The following RBFOX1 variants were observed in gnomAD, a reference collection of about 807,000 sequenced individuals.
The protein encoded by RBFOX1 is RNA binding protein fox-1 homolog 1.
RBFOX1 carries 8 observed loss-of-function variants against 57.7 expected under a neutral mutation model. The ratio of observed to expected loss-of-function variants is 0.14; its 90% CI spans 0.08 to 0.25. The LOEUF is 0.25. Ranked by LOEUF, RBFOX1 falls within the 10% of genes least tolerant of loss-of-function variation. RBFOX1 has a pLI of 1.00. For missense variants in RBFOX1, 611 were observed against 548.5 expected (o/e 1.11, Z -1.14); for synonymous variants, 326 against 222.4 (o/e 1.47, Z -4.15).
intron 4 of RBFOX1, among the ~76,000 whole-genome samples, chr16:5,948,689 G>A (rs986768877): frequency 1.2e-4 from 18 of 152,098 alleles, no homozygotes; most frequent in East Asian, 3.9e-4. Flanking sequence ...CGGGAGGGAC[G>A]CCTGATGTTC....
intron 2 of RBFOX1, among the ~76,000 whole-genome samples, chr16:6,323,267 A>G (rs1212086970): frequency 6.6e-6 from 1 of 152,180 alleles, no homozygotes; most frequent in Non-Finnish European, 1.5e-5. Context: ...GGAAGAGGGA[A>G]GCCCAGGCAG....
intron 3 of RBFOX1, among the ~76,000 whole-genome samples, chr16:5,790,750 C>G (rs879492907): frequency 2.0e-5 from 3 of 152,116 alleles, no homozygotes; most frequent in Non-Finnish European, 4.4e-5. Flanking sequence ...TGGGTGCGTG[C>G]TCTGCATCAC....
At chr16:5,244,498 C>G (rs571418698) in intron 1 of RBFOX1, among the ~76,000 whole-genome samples, 1 of 152,358 alleles carries the variant, frequency 6.6e-6, no homozygotes, top group East Asian at 1.9e-4. Context: ...AGCCGACTCC[C>G]TGAGATAGGG....
chr16:7,341,984 T>C (rs1374341361), intron 4 of RBFOX1, among the ~76,000 whole-genome samples: 1 of 152,048 alleles, frequency 6.6e-6, no homozygotes, highest in Non-Finnish European at 1.5e-5. Flanking sequence ...TAATCTGTAT[T>C]GGCTCCTGGA....
At chr16:5,573,318 G>A (rs2046347669) in intron 2 of RBFOX1, among the ~76,000 whole-genome samples, 1 of 152,144 alleles carries the variant, frequency 6.6e-6, no homozygotes, top group South Asian at 2.1e-4. Context: ...CCACAAAGGT[G>A]GTTCTTCTCC....
At chr16:6,631,827 G>C (rs963613128) in intron 2 of RBFOX1, among the ~76,000 whole-genome samples, 1 of 152,010 alleles carries the variant, frequency 6.6e-6, no homozygotes, top group Non-Finnish European at 1.5e-5. Context: ...TAGAGCGGGT[G>C]CATGCAAACA....
chr16:7,376,871 C>A (rs1332489350), intron 4 of RBFOX1, among the ~76,000 whole-genome samples: 1 of 152,058 alleles, frequency 6.6e-6, no homozygotes, highest in African/African-American at 2.4e-5. Context: ...CATAAAACTT[C>A]CCTACCAGTG....
intron 2 of RBFOX1, among the ~76,000 whole-genome samples, chr16:6,635,282 G>C (rs12930940): frequency 0.073 from 11,069 of 151,512 alleles, 453 homozygotes; most frequent in Non-Finnish European, 0.091. Context: ...ATTAGTTCTT[G>C]TTGTTAACCT....
At chr16:5,568,485 C>T (rs912645476) in intron 2 of RBFOX1, among the ~76,000 whole-genome samples, 2 of 152,086 alleles carry the variant, frequency 1.3e-5, no homozygotes, top group Middle Eastern at 3.2e-3. Context: ...CATCAGTGTT[C>T]GTCAAGATGG....
At chr16:7,488,723 C>T (rs943467727) in intron 4 of RBFOX1, among the ~76,000 whole-genome samples, 4 of 152,130 alleles carry the variant, frequency 2.6e-5, no homozygotes, top group Admixed American at 6.6e-5. Flanking sequence ...GCTATACATT[C>T]ATCTATTATC....
At chr16:7,506,068 C>T (rs989779329) in intron 4 of RBFOX1, among the ~76,000 whole-genome samples, 3 of 151,436 alleles carry the variant, frequency 2.0e-5, no homozygotes, top group Non-Finnish European at 2.9e-5. Flanking sequence ...ACCTGTAGTC[C>T]CAGCTACTTG....
intron 1 of RBFOX1, among the ~76,000 whole-genome samples, chr16:6,073,186 C>A (rs996465597): frequency 1.3e-5 from 2 of 152,122 alleles, no homozygotes; most frequent in Non-Finnish European, 2.9e-5. Flanking sequence ...AGCCTTCATC[C>A]CTTAATATCA....
At chr16:6,200,112 A>T (rs997958578) in intron 1 of RBFOX1, among the ~76,000 whole-genome samples, 3 of 152,142 alleles carry the variant, frequency 2.0e-5, no homozygotes, top group African/African-American at 7.2e-5. Context: ...TTGGAAAGGG[A>T]GCCAAATTGT....
At chr16:5,517,034 G>C (rs1322107551) in intron 2 of RBFOX1, among the ~76,000 whole-genome samples, 1 of 151,034 alleles carries the variant, frequency 6.6e-6, no homozygotes, top group Non-Finnish European at 1.5e-5. Flanking sequence ...TCCTGGGCAA[G>C]TTGGTGCATA....
intron 4 of RBFOX1, among the ~76,000 whole-genome samples, chr16:7,453,187 G>C (rs1598782114): frequency 6.6e-6 from 1 of 151,874 alleles, no homozygotes; most frequent in East Asian, 1.9e-4. Flanking sequence ...TGGTAGCCAG[G>C]ATGGCTTCCT....
intron 3 of RBFOX1, among the ~76,000 whole-genome samples, chr16:6,770,921 CCT>C (rs2078188767): frequency 6.6e-6 from 1 of 152,106 alleles, no homozygotes; most frequent in Non-Finnish European, 1.5e-5. Flanking sequence ...CTGAGAATTA[CCT>C]CTTATTTGGA....
intron 2 of RBFOX1, among the ~76,000 whole-genome samples, chr16:6,339,634 A>C (rs548769717): frequency 6.6e-6 from 1 of 150,654 alleles, no homozygotes; most frequent in South Asian, 2.1e-4. Context: ...TAAACATCTT[A>C]AGCGATTCCT....
intron 3 of RBFOX1, among the ~76,000 whole-genome samples, chr16:5,752,089 A>T (rs985459519): frequency 6.6e-6 from 1 of 152,144 alleles, no homozygotes; most frequent in African/African-American, 2.4e-5. Context: ...CTATCCAGCC[A>T]TAAAAAAAAG....
chr16:6,080,698 T>C (rs1290450590), intron 1 of RBFOX1, among the ~76,000 whole-genome samples: 1 of 152,194 alleles, frequency 6.6e-6, no homozygotes, highest in Non-Finnish European at 1.5e-5. Context: ...GAATGAATAA[T>C]TTATTAAATA....
Sources: gnomAD v4.1 joint callset for allele counts (sites outside exome capture counted in the v4.1 genomes callset) on GRCh38, gnomAD v4.1.1 for gene constraint, MANE v1.5 for transcripts, NCBI Gene and HGNC (gene_info 2026-07-23, HGNC 2026-07-21) for gene names.